APAF1: variants seen among roughly 807,000 people sequenced by gnomAD.
The protein encoded by APAF1 is apoptotic protease-activating factor 1.
APAF1 carries 91 observed loss-of-function variants against 152.4 expected under a neutral mutation model. The observed-to-expected ratio is 0.60, with a 90% CI of 0.50 to 0.71. APAF1 has a LOEUF of 0.71. Among genes scored for constraint, APAF1 ranks in the 30% least tolerant of loss-of-function variants. APAF1 has a pLI of 0.00. For missense variants in APAF1, 1,283 were observed against 1,472.0 expected, an observed-to-expected ratio of 0.87 and a Z score of 2.10; for synonymous variants, 484 against 494.1, an observed-to-expected ratio of 0.98 and a Z score of 0.27.
At chr12:98,655,441 G>A (rs1368719075) in intron 4 of APAF1, among the ~76,000 whole-genome samples, 3 of 150,752 alleles carry the variant, frequency 2.0e-5, no homozygotes, top group African/African-American at 2.4e-5. Flanking sequence ...CGGACGGGGC[G>A]GCCGGCCGGG....
intron 4 of APAF1, among the ~76,000 whole-genome samples, chr12:98,651,770 C>T (rs915027953): frequency 6.6e-6 from 1 of 152,060 alleles, no homozygotes; most frequent in East Asian, 1.9e-4. Flanking sequence ...AGTGATCCTC[C>T]CACCTTAGCC....
intron 10 of APAF1, 54 bp downstream of exon 10, chr12:98,667,698 A>G (rs2097674884): frequency 7.1e-6 from 11 of 1,557,154 alleles, no homozygotes; most frequent in East Asian, 4.6e-5. Flanking sequence ...TTCCATATGT[A>G]TTACAAATAA....
chr12:98,686,143 TG>T (rs2097697822), intron 15 of APAF1, among the ~76,000 whole-genome samples: 1 of 152,254 alleles, frequency 6.6e-6, no homozygotes. Flanking sequence ...CTATCATGTT[TG>T]TTGGAATCAG....
chr12:98,659,096 TA>T, intron 4 of APAF1, 63 bp from the exon 5 acceptor site: 1 of 1,475,004 alleles, frequency 6.8e-7, no homozygotes, highest in Non-Finnish European at 9.5e-7. Flanking sequence ...TGCTTAACAG[TA>T]AAACCATTTA....
At chr12:98,671,820 C>T (rs1022688669) in intron 12 of APAF1, 101 bp downstream of exon 12, 28 of 1,146,178 alleles carry the variant, frequency 2.4e-5, no homozygotes, top group South Asian at 1.8e-4. Context: ...TAACTACTTT[C>T]GAAAGGGCTG....
chr12:98,678,937 C>G (rs1272851765), intron 13 of APAF1, among the ~76,000 whole-genome samples: 4 of 152,206 alleles, frequency 2.6e-5, no homozygotes, highest in Non-Finnish European at 5.9e-5. Flanking sequence ...CTCCCCTTGG[C>G]ACCTACAGCC....
chr12:98,653,024 C>T (rs548013879), intron 4 of APAF1, among the ~76,000 whole-genome samples: 2 of 151,850 alleles, frequency 1.3e-5, no homozygotes, highest in East Asian at 3.9e-4. Flanking sequence ...TCAAACTAAT[C>T]AGTTTTTTTT....
chr12:98,729,385 G>GCTTA (rs2097756633), intron 26 of APAF1, among the ~76,000 whole-genome samples: 1 of 152,208 alleles, frequency 6.6e-6, no homozygotes, highest in Admixed American at 6.5e-5. Context: ...ATTCTCGTAA[G>GCTTA]GAGTGCACAA....
intron 22 of APAF1, among the ~76,000 whole-genome samples, chr12:98,717,634 C>T (rs1015616728): frequency 1.3e-5 from 2 of 152,070 alleles, no homozygotes; most frequent in East Asian, 1.9e-4. Context: ...CCTTGGCCTC[C>T]CAATGTGCTG....
chr12:98,723,677 T>C lies in APAF1; in HGVS notation c.3243T>C (p.Phe1081=), dbSNP rs2097746388. Residue 1081 remains phenylalanine, a synonymous_variant, in exon 24 of 27, where the codon TTT becomes TTC. Coordinates refer to ENST00000551964, the MANE Select transcript of APAF1 (RefSeq NM_181861.2). Reference sequence around the variant, plus strand: ...TTACTGGAAATAAAGAAAAAGACTTTGTCTGTCACCAGGGTACAGTACTTT... The same window carrying C: ...TTACTGGAAATAAAGAAAAAGACTTCGTCTGTCACCAGGGTACAGTACTTT... ...NIITGNKEKD[F]VCHQGTVLSC... is the part of the protein sequence containing the mutation. 4 of 1,609,582 alleles carry C rather than the reference T, an allele frequency of 2.5e-6. No homozygotes were observed. Among genetic ancestry groups the C allele is most frequent in the Non-Finnish European group, 3.4e-6 (4 of 1,176,592 alleles).
chr12:98,701,940 AC>A (rs1203019089), intron 17 of APAF1, among the ~76,000 whole-genome samples: 1 of 152,218 alleles, frequency 6.6e-6, no homozygotes, highest in Non-Finnish European at 1.5e-5. Flanking sequence ...ACTGTCAGCC[AC>A]TAATTTTTTA....
intron 10 of APAF1, chr12:98,670,736 T>A (rs913998005): frequency 5.8e-6 from 2 of 342,578 alleles, no homozygotes; most frequent in South Asian, 7.0e-5. Context: ...CTAGTATTTT[T>A]AAATGTTTTC....
chr12:98,732,491 C>T lies in APAF1; in HGVS notation c.3672C>T (p.His1224=), dbSNP rs1158662598. ...YTNGTNLKKI[H]VSPDFKTYVT... ...ATGGAACCAATCTTAAGAAAATACA[C>T]GTGTCCCCTGACTTCAAAACATATG... Residue 1224 remains histidine (H), a synonymous_variant, in exon 27 of 27, where the codon CAC becomes CAT. Coordinates refer to ENST00000551964, the MANE Select transcript of APAF1 (RefSeq NM_181861.2). The T allele has an allele frequency of 5.6e-6, 9 of 1,599,128 alleles. No homozygotes were observed. In the East Asian group the frequency reaches 6.7e-5, roughly 12 times the overall value.
At chr12:98,722,133 G>C (rs769561677) in intron 22 of APAF1, among the ~76,000 whole-genome samples, 1 of 152,038 alleles carries the variant, frequency 6.6e-6, no homozygotes, top group Non-Finnish European at 1.5e-5. Context: ...ACGTTTCCCT[G>C]CTCCTATACT....
chr12:98,649,824 C>T (rs1365207315), intron 4 of APAF1, 140 bp downstream of exon 4: 14 of 807,052 alleles, frequency 1.7e-5, no homozygotes, highest in Non-Finnish European at 2.8e-5. Context: ...TATGTTAACT[C>T]TCTGAAGGGA....
At chr12:98,720,761 C>T (rs769947936) in intron 22 of APAF1, among the ~76,000 whole-genome samples, 1 of 152,100 alleles carries the variant, frequency 6.6e-6, no homozygotes, top group Admixed American at 6.5e-5. Flanking sequence ...GTCAGGAGAT[C>T]GAGACCATCC....
chr12:98,715,249 T>TG (rs1164156972), intron 21 of APAF1, among the ~76,000 whole-genome samples, 178 bp from the exon 22 acceptor site: 4 of 73,700 alleles, frequency 5.4e-5, no homozygotes, highest in East Asian at 2.6e-3. Context: ...TATATATATA[T>TG]ATATATATAT....
Position 98,718,434 on chromosome 12 carries a change from G to A in APAF1, c.3084+2882G>A, listed in dbSNP as rs142510482. On this transcript the variant is annotated intron_variant, in intron 22 of 26. Coordinates refer to ENST00000551964, the MANE Select transcript of APAF1 (RefSeq NM_181861.2). ...ATTTTTAGTAGAGACAAGGTTTCACGATGTTGGCCAGGCTGGTCTTGAACT... is the reference window on the plus strand; with the variant it reads ...ATTTTTAGTAGAGACAAGGTTTCACAATGTTGGCCAGGCTGGTCTTGAACT... Among the ~76,000 whole-genome samples the A allele has an allele frequency of 3.0e-3, 456 of 151,866 alleles. 2 individuals are homozygous for A. Among genetic ancestry groups the A allele is most frequent in the African/African-American group, 0.01 (425 of 41,460 alleles).
intron 22 of APAF1, among the ~76,000 whole-genome samples, chr12:98,717,892 A>T (rs1257695410): frequency 6.6e-6 from 1 of 151,738 alleles, no homozygotes. Context: ...GAAAGGGGAA[A>T]CTTTGTTGTG....
Sources: allele counts gnomAD v4.1 joint callset (sites outside exome capture counted in the v4.1 genomes callset), GRCh38; gene constraint gnomAD v4.1.1; transcripts MANE v1.5; gene names NCBI Gene and HGNC (gene_info 2026-07-23, HGNC 2026-07-21).